Variants in MARCHF8 observed in about 807,000 individuals in gnomAD.
The protein encoded by MARCHF8 is membrane associated ring-CH-type finger 8.
In MARCHF8, 40 loss-of-function variants were observed where a neutral mutation model predicts 51.6. The observed-to-expected ratio is 0.77, with a 90% CI of 0.60 to 1.01. The LOEUF is 1.01. MARCHF8 is among the 50% of genes least tolerant of loss of function. The pLI is 0.00. For synonymous variants in MARCHF8, 263 were observed against 280.3 expected, an observed-to-expected ratio of 0.94 and a Z score of 0.62; for missense variants, 685 against 708.6, an observed-to-expected ratio of 0.97 and a Z score of 0.38.
At chr10:45,549,429 C>T (rs1411037289) in intron 1 of MARCHF8, among the ~76,000 whole-genome samples, 1 of 152,236 alleles carries the variant, frequency 6.6e-6, no homozygotes, top group East Asian at 1.9e-4. Flanking sequence ...GCAGGGAAGG[C>T]AGGGCCTTCT....
chr10:45,464,840 A>C (rs1011491989), intron 3 of MARCHF8, among the ~76,000 whole-genome samples: 1 of 152,190 alleles, frequency 6.6e-6, no homozygotes, highest in African/African-American at 2.4e-5. Flanking sequence ...ACAGCTCTTC[A>C]CACAAAAGGG....
intron 2 of MARCHF8, among the ~76,000 whole-genome samples, chr10:45,521,513 T>G (rs183196138): frequency 6.6e-6 from 1 of 151,934 alleles, no homozygotes; most frequent in Non-Finnish European, 1.5e-5. Flanking sequence ...GAAAATGGAG[T>G]CGTTAAAACT....
intron 1 of MARCHF8, among the ~76,000 whole-genome samples, chr10:45,562,990 A>G (rs1352237857): frequency 2.6e-5 from 4 of 151,174 alleles, no homozygotes; most frequent in Non-Finnish European, 5.9e-5. Flanking sequence ...TGCAAAACCC[A>G]CATATATACA....
intron 2 of MARCHF8, among the ~76,000 whole-genome samples, chr10:45,512,845 T>A (rs1002732255): frequency 3.9e-5 from 6 of 152,058 alleles, no homozygotes; most frequent in African/African-American, 1.2e-4. Context: ...TAGAAAGAAG[T>A]AGACATGGGA....
At chr10:45,581,776 C>T (rs1405030089) in intron 1 of MARCHF8, among the ~76,000 whole-genome samples, 1 of 152,068 alleles carries the variant, frequency 6.6e-6, no homozygotes, top group African/African-American at 2.4e-5. Flanking sequence ...CAACTAAAAA[C>T]TCAAACTCAA....
intron 1 of MARCHF8, among the ~76,000 whole-genome samples, chr10:45,573,048 C>T (rs1267229852): frequency 1.3e-5 from 2 of 152,074 alleles, no homozygotes; most frequent in Admixed American, 6.5e-5. Context: ...AAGGTTAATG[C>T]TCCTTTTTCT....
chr10:45,481,680 C>T (rs1035289447), intron 3 of MARCHF8, among the ~76,000 whole-genome samples: 1 of 152,180 alleles, frequency 6.6e-6, no homozygotes, highest in African/African-American at 2.4e-5. Context: ...CCTCCCCAGC[C>T]ACATGGAACT....
intron 2 of MARCHF8, among the ~76,000 whole-genome samples, chr10:45,513,228 A>AT (rs1021437974): frequency 2.3e-4 from 35 of 152,182 alleles, no homozygotes; most frequent in Non-Finnish European, 3.4e-4. Flanking sequence ...CAATTAAAAA[A>AT]AAATAAATAA....
At chr10:45,486,477 T>C (rs1297261208) in intron 3 of MARCHF8, among the ~76,000 whole-genome samples, 1 of 152,066 alleles carries the variant, frequency 6.6e-6, no homozygotes, top group South Asian at 2.1e-4. Context: ...GGCAGGAGAA[T>C]TGCTTAAATC....
At chr10:45,481,572 T>C (rs943320218) in intron 3 of MARCHF8, among the ~76,000 whole-genome samples, 2 of 152,224 alleles carry the variant, frequency 1.3e-5, no homozygotes, top group African/African-American at 2.4e-5. Context: ...TGAGATCTGA[T>C]GGTTTTATAA....
At chr10:45,468,831 T>C (rs76294334) in intron 3 of MARCHF8, among the ~76,000 whole-genome samples, 5,411 of 152,228 alleles carry the variant, frequency 0.036, 148 homozygotes, top group Non-Finnish European at 0.053. Context: ...TCAAATAATA[T>C]GTGTTGGCGG....
chr10:45,518,934 G>A (rs2043662936), intron 2 of MARCHF8, among the ~76,000 whole-genome samples: 1 of 152,042 alleles, frequency 6.6e-6, no homozygotes, highest in Non-Finnish European at 1.5e-5. Context: ...CTTGTGAGAG[G>A]ACCTAGTAAC....
chr10:45,592,854 A>C (rs771647204), intron 1 of MARCHF8, among the ~76,000 whole-genome samples: 12 of 152,160 alleles, frequency 7.9e-5, no homozygotes, highest in Non-Finnish European at 1.6e-4. Context: ...ACAAACAACG[A>C]ATCTTTTTTT....
At chr10:45,536,835 AAATAAT>A (rs60341718), upstream of MARCHF8, among the ~76,000 whole-genome samples, 4,876 of 134,784 alleles carry the variant, frequency 0.036, 224 homozygotes, top group Admixed American at 0.13. Flanking sequence ...ATCTCTACCA[AAATAAT>A]AATAATAATA....
intron 1 of MARCHF8, among the ~76,000 whole-genome samples, chr10:45,582,299 C>A (rs1413352370): frequency 6.6e-6 from 1 of 152,186 alleles, no homozygotes; most frequent in East Asian, 1.9e-4. Context: ...ATCCAGAGCA[C>A]CTCCCGTTCA....
intron 2 of MARCHF8, among the ~76,000 whole-genome samples, chr10:45,509,967 G>A (rs2043464747): frequency 6.6e-6 from 1 of 150,560 alleles, no homozygotes; most frequent in Non-Finnish European, 1.5e-5. Context: ...GTGCCCAGCT[G>A]AACAACGCCT....
At chr10:45,464,482 A>T (rs1362561045) in intron 3 of MARCHF8, among the ~76,000 whole-genome samples, 155 bp from the exon 4 acceptor site, 1 of 152,240 alleles carries the variant, frequency 6.6e-6, no homozygotes, top group Non-Finnish European at 1.5e-5. Context: ...GCCTTGGCAA[A>T]ACAAATCAAA....
chr10:45,591,184 C>T (rs2044676627), intron 1 of MARCHF8, among the ~76,000 whole-genome samples: 1 of 152,198 alleles, frequency 6.6e-6, no homozygotes, highest in African/African-American at 2.4e-5. Context: ...ACTCAGTCTG[C>T]CTGCACCCAG....
At chr10:45,537,773 T>C (rs538806426), upstream of MARCHF8, among the ~76,000 whole-genome samples, 1 of 151,890 alleles carries the variant, frequency 6.6e-6, no homozygotes, top group African/African-American at 2.4e-5. Context: ...AGACAGAAAG[T>C]AGAGCAGTGC....
Sources: gnomAD v4.1 joint callset for allele counts (sites outside exome capture counted in the v4.1 genomes callset) on GRCh38, gnomAD v4.1.1 for gene constraint, MANE v1.5 for transcripts, NCBI Gene and HGNC (gene_info 2026-07-23, HGNC 2026-07-21) for gene names.